Variants in XKR4 observed in about 807,000 individuals in gnomAD.
XKR4 encodes XK related 4.
Under a neutral mutation model 53.9 loss-of-function variants are expected in XKR4, and 12 were observed. The observed-to-expected ratio is 0.22, with a 90% CI of 0.14 to 0.36. The LOEUF (loss-of-function observed/expected upper bound fraction) is 0.36, where lower values mean the gene tolerates loss of function less well. XKR4 is among the 10% of genes least tolerant of loss of function. The pLI is 1.00. For missense variants in XKR4, 799 were observed against 859.5 expected (o/e 0.93, Z 0.88); for synonymous variants, 354 against 362.4 (o/e 0.98, Z 0.26).
At chr8:55,150,908 T>C (rs1313139777) in intron 1 of XKR4, among the ~76,000 whole-genome samples, 1 of 152,226 alleles carries the variant, frequency 6.6e-6, no homozygotes, top group African/African-American at 2.4e-5. Context: ...TGTCTACATT[T>C]ATGTCAGCAA....
At chr8:55,222,272 T>C (rs1467572855) in intron 1 of XKR4, among the ~76,000 whole-genome samples, 1 of 152,238 alleles carries the variant, frequency 6.6e-6, no homozygotes, top group Non-Finnish European at 1.5e-5. Flanking sequence ...TGTTCTCTAA[T>C]ATTTCTGCAT....
intron 1 of XKR4, among the ~76,000 whole-genome samples, chr8:55,289,580 GA>G (rs1563316344): frequency 1.6e-3 from 140 of 85,974 alleles, no homozygotes; most frequent in African/African-American, 6.8e-3. Flanking sequence ...AGAGAGAAAG[GA>G]AGAAAGAAAG....
intron 2 of XKR4, among the ~76,000 whole-genome samples, chr8:55,491,870 C>A (rs1335900520): frequency 6.6e-6 from 1 of 152,132 alleles, no homozygotes; most frequent in East Asian, 1.9e-4. Context: ...GTTTACAACT[C>A]CCCAGGAGTC....
intron 1 of XKR4, among the ~76,000 whole-genome samples, chr8:55,112,562 G>GTT (rs761779642): frequency 0.026 from 2,015 of 77,124 alleles, 337 homozygotes; most frequent in African/African-American, 0.077. Flanking sequence ...TACTTTTCAG[G>GTT]TTTTTTTTTT....
chr8:55,434,964 GCTTGGGTGTGGAGTTCACTACACACACA>G (rs768634675), intron 2 of XKR4, among the ~76,000 whole-genome samples: 71 of 152,158 alleles, frequency 4.7e-4, no homozygotes, highest in Non-Finnish European at 8.2e-4. Context: ...AATCAGCAAT[GCTTGGGTGTGGAGTTCACTACACACACA>G]CAAGCATGCC....
chr8:55,114,336 C>G (rs182217313), intron 1 of XKR4, among the ~76,000 whole-genome samples: 63 of 152,234 alleles, frequency 4.1e-4, no homozygotes, highest in African/African-American at 1.5e-3. Flanking sequence ...TTGTGTTGAG[C>G]ATTTTTTTCA....
intron 1 of XKR4, among the ~76,000 whole-genome samples, chr8:55,243,875 A>G (rs1252780501): frequency 6.6e-6 from 1 of 152,198 alleles, no homozygotes; most frequent in African/African-American, 2.4e-5. Flanking sequence ...ATGAAGGATA[A>G]CCTAGACAGT....
At chr8:55,453,304 A>G (rs975232303) in intron 2 of XKR4, 1 of 483,502 alleles carries the variant, frequency 2.1e-6, no homozygotes, top group Non-Finnish European at 4.3e-6. Flanking sequence ...AGTTCATCAT[A>G]CTGATGACAA....
intron 1 of XKR4, among the ~76,000 whole-genome samples, chr8:55,230,436 C>G (rs931968563): frequency 1.3e-5 from 2 of 150,092 alleles, no homozygotes; most frequent in East Asian, 4.0e-4. Context: ...AAGCTCAGCT[C>G]ACTACAACCT....
chr8:55,103,482 G>A (rs1253734823), intron 1 of XKR4, among the ~76,000 whole-genome samples, 188 bp downstream of exon 1: 1 of 151,988 alleles, frequency 6.6e-6, no homozygotes, highest in Non-Finnish European at 1.5e-5. Context: ...AGGGTGGGAG[G>A]GAAGTGAGAA....
At chr8:55,444,664 A>G (rs894052539) in intron 2 of XKR4, among the ~76,000 whole-genome samples, 2 of 152,244 alleles carry the variant, frequency 1.3e-5, no homozygotes, top group Non-Finnish European at 2.9e-5. Flanking sequence ...TAAAAGTTAC[A>G]CAATGCCAAG....
intron 1 of XKR4, among the ~76,000 whole-genome samples, chr8:55,331,136 C>G (rs1300969235): frequency 2.0e-5 from 3 of 152,114 alleles, no homozygotes; most frequent in African/African-American, 7.2e-5. Context: ...TTGCCTCCAG[C>G]CCCTGGTGTG....
At chr8:55,358,137 G>A (rs1172274011) in intron 2 of XKR4, among the ~76,000 whole-genome samples, 2 of 152,182 alleles carry the variant, frequency 1.3e-5, no homozygotes, top group African/African-American at 4.8e-5. Flanking sequence ...ACACTTGGTC[G>A]ATGTGGGGAT....
intron 2 of XKR4, among the ~76,000 whole-genome samples, chr8:55,477,294 AG>A (rs1456935618): frequency 6.6e-6 from 1 of 152,166 alleles, no homozygotes; most frequent in African/African-American, 2.4e-5. Flanking sequence ...CCAGGCAAAC[AG>A]GGTCTGGAGT....
chr8:55,213,080 T>C (rs971150236), intron 1 of XKR4, among the ~76,000 whole-genome samples: 2 of 152,234 alleles, frequency 1.3e-5, no homozygotes, highest in African/African-American at 2.4e-5. Context: ...GCTACCAGTC[T>C]GTTCCTTTAA....
At chr8:55,109,880 A>G (rs1585883021) in intron 1 of XKR4, among the ~76,000 whole-genome samples, 1 of 152,210 alleles carries the variant, frequency 6.6e-6, no homozygotes, top group East Asian at 1.9e-4. Flanking sequence ...TGAGTATCCA[A>G]GCACACAACT....
At chr8:55,333,978 T>A (rs1226594470) in intron 1 of XKR4, among the ~76,000 whole-genome samples, 1 of 152,180 alleles carries the variant, frequency 6.6e-6, no homozygotes, top group Non-Finnish European at 1.5e-5. Flanking sequence ...TCCTATAAAA[T>A]TATTTTAGCC....
chr8:55,222,971 T>G (rs974988486), intron 1 of XKR4, among the ~76,000 whole-genome samples: 2 of 152,186 alleles, frequency 1.3e-5, no homozygotes, highest in Non-Finnish European at 2.9e-5. Flanking sequence ...CTCCAGTCAC[T>G]GTTCAGATTC....
intron 1 of XKR4, among the ~76,000 whole-genome samples, chr8:55,356,352 A>C (rs1447405762): frequency 6.6e-6 from 1 of 152,234 alleles, no homozygotes; most frequent in Non-Finnish European, 1.5e-5. Flanking sequence ...TGCAGAAAAC[A>C]CAAAGGATAG....
Sources: allele counts gnomAD v4.1 joint callset (sites outside exome capture counted in the v4.1 genomes callset), GRCh38; gene constraint gnomAD v4.1.1; transcripts MANE v1.5; gene names NCBI Gene and HGNC (gene_info 2026-07-23, HGNC 2026-07-21).